The following STON2 variants were observed in gnomAD, a reference collection of about 807,000 sequenced individuals.
STON2 encodes the protein stonin-2.
STON2 carries 29 observed loss-of-function variants against 65.7 expected under a neutral mutation model. The observed-to-expected ratio is 0.44, with a 90% CI of 0.33 to 0.60. The LOEUF is 0.60. Among genes scored for constraint, STON2 ranks in the 20% least tolerant of loss-of-function variants. The pLI is 0.03. For synonymous variants in STON2, 404 were observed against 414.2 expected (o/e 0.98, Z 0.30); for missense variants, 1,054 against 1,118.1 (o/e 0.94, Z 0.82).
At chr14:81,324,415 T>G (rs1414925311) in intron 4 of STON2, among the ~76,000 whole-genome samples, 1 of 152,268 alleles carries the variant, frequency 6.6e-6, no homozygotes, top group Non-Finnish European at 1.5e-5. Flanking sequence ...CTTGGGTAAT[T>G]AGATTCTAAG....
chr14:81,424,027 G>A (rs1348778134), intron 2 of STON2, among the ~76,000 whole-genome samples: 2 of 152,170 alleles, frequency 1.3e-5, no homozygotes, highest in Non-Finnish European at 2.9e-5. Flanking sequence ...TGGAGAGCAG[G>A]TATGTTATGA....
intron 4 of STON2, among the ~76,000 whole-genome samples, chr14:81,355,894 AAGG>A (rs2140326844): frequency 6.6e-6 from 1 of 152,218 alleles, no homozygotes; most frequent in African/African-American, 2.4e-5. Flanking sequence ...TTATCAGCTT[AAGG>A]AGATTTTGGG....
Position 81,278,370 on chromosome 14 carries a change from G to C in STON2, c.1112C>G (p.Pro371Arg). ...TEASPWRATN[P>R]FLNETLQDVQ... ...ATCCTGCAGAGTCTCATTCAGGAAAGGGTTGGTTGCCCTCCAAGGTGAAGC... is the reference window on the plus strand; with the variant it reads ...ATCCTGCAGAGTCTCATTCAGGAAACGGTTGGTTGCCCTCCAAGGTGAAGC... Residue 371 changes from proline to arginine, a missense_variant, in exon 6 of 8, where the codon CCT (proline) becomes CGT (arginine). Transcript: ENST00000614646. 1 of 1,614,226 alleles carries C rather than the reference G, an allele frequency of 6.2e-7. No homozygotes were observed. Among genetic ancestry groups the C allele is most frequent in the South Asian group, 1.1e-5 (1 of 91,088 alleles).
In STON2 at chr14:81,362,781, A is replaced by T. The variant is rs28665853; in HGVS notation, c.571+8207T>A. ...TAATTTGTCTACTTATAATTTAAAA[A>T]TTTTAAATTTAAAAAAGGATTAATT... On this transcript the variant is annotated intron_variant, in intron 4 of 7. Transcript: ENST00000614646. Among the ~76,000 whole-genome samples the T allele has an allele frequency of 7.2e-5, 11 of 152,330 alleles. No individual in the cohort carries two copies. In the South Asian group the frequency reaches 1.9e-3, roughly 26 times the overall value.
At chr14:81,269,761 C>G in intron 7 of STON2, 1 of 985,314 alleles carries the variant, frequency 1.0e-6, no homozygotes, top group Non-Finnish European at 1.2e-6. Flanking sequence ...AACTCCTTTT[C>G]CAATCGTTGG....
chr14:81,269,843 C>T, intron 7 of STON2: 1 of 985,420 alleles, frequency 1.0e-6, no homozygotes. Context: ...AAAACTCCAA[C>T]TTTTATGATT....
intron 2 of STON2, among the ~76,000 whole-genome samples, chr14:81,414,623 G>C (rs1330498005): frequency 6.6e-6 from 1 of 151,306 alleles, no homozygotes; most frequent in South Asian, 2.1e-4. Context: ...TTGAATACTA[G>C]ATGTGAAAAA....
rs934176865 is a variant in STON2, at chr14:81,268,065, G to A, written c.*349C>T. The A allele has an allele frequency of 7.0e-6, 7 of 995,090 alleles. No individual in the cohort carries two copies. The highest frequency in any genetic ancestry group is 8.4e-6 in the Non-Finnish European group (7 of 836,022). The allele number at this position is 995,090 out of a possible 1,614,324, so 61.6% of individuals were successfully genotyped here. A position where few individuals can be genotyped will look rare whatever the true frequency, so the allele number is the denominator to read the frequency against. On this transcript the variant is annotated 3_prime_UTR_variant, in exon 8 of 8. Coordinates refer to ENST00000614646, the MANE Select transcript of STON2 (RefSeq NM_001394390.1). ...CAATCGTGCTAACACTGATGTGGGA[G>A]GTTCTTTTCCTGACTGTAACAGTCA... is the stretch of plus-strand genomic sequence containing the variant.
intron 3 of STON2, among the ~76,000 whole-genome samples, chr14:81,384,761 C>G (rs1899712082): frequency 6.6e-6 from 1 of 152,096 alleles, no homozygotes; most frequent in Non-Finnish European, 1.5e-5. Flanking sequence ...TCTTCTTGTC[C>G]TTCGGGATCC....
intron 4 of STON2, among the ~76,000 whole-genome samples, chr14:81,363,254 A>C (rs138156585): frequency 1.3e-5 from 2 of 152,340 alleles, no homozygotes; most frequent in East Asian, 3.9e-4. Flanking sequence ...ATATATGTAT[A>C]AAGTATATAG....
At chr14:81,324,654 G>C (rs1310696612) in intron 4 of STON2, among the ~76,000 whole-genome samples, 2 of 152,198 alleles carry the variant, frequency 1.3e-5, no homozygotes, top group Non-Finnish European at 2.9e-5. Context: ...AGAGAAACAG[G>C]ATTCTCAACA....
chr14:81,309,430 T>C (rs1174822095), intron 5 of STON2, among the ~76,000 whole-genome samples: 1 of 152,222 alleles, frequency 6.6e-6, no homozygotes, highest in Non-Finnish European at 1.5e-5. Context: ...CCAAATACTT[T>C]CTCTATGCCT....
chr14:81,338,073 T>C (rs1897445716), intron 4 of STON2, among the ~76,000 whole-genome samples: 1 of 152,240 alleles, frequency 6.6e-6, no homozygotes, highest in Admixed American at 6.5e-5. Context: ...TTCTAATACT[T>C]GGTTGTTGAC....
intron 5 of STON2, among the ~76,000 whole-genome samples, chr14:81,282,232 T>C (rs1895153574): frequency 1.3e-5 from 2 of 152,210 alleles, no homozygotes; most frequent in Non-Finnish European, 2.9e-5. Context: ...TAAAATGAAA[T>C]TCCATGTAGC....
intron 4 of STON2, among the ~76,000 whole-genome samples, chr14:81,348,170 A>G (rs1031287699): frequency 6.6e-6 from 1 of 152,122 alleles, no homozygotes; most frequent in African/African-American, 2.4e-5. Context: ...AAGAATGAAG[A>G]AAAGCAGAAA....
chr14:81,345,368 C>A lies in STON2; in HGVS notation c.572-21181G>T, dbSNP rs75041757. Among the ~76,000 whole-genome samples, 544 of 152,228 alleles carry A rather than the reference C, an allele frequency of 3.6e-3. 2 individuals carry two copies. The highest frequency in any genetic ancestry group is 6.0e-3 in the Non-Finnish European group (407 of 67,994). On this transcript the variant is annotated intron_variant, in intron 4 of 7. Coordinates refer to ENST00000614646, the MANE Select transcript of STON2 (RefSeq NM_001394390.1). ...AGAGGATGTTAGGATACAGGCACCA[C>A]AAAGGGGAGATCATGTGAAGATACA...
Position 81,395,995 on chromosome 14 carries a change from G to T in STON2, c.272C>A (p.Pro91His), listed in dbSNP as rs1900296555. 5 of 1,614,060 alleles carry T rather than the reference G, an allele frequency of 3.1e-6. No individual in the cohort carries two copies. The East Asian group carries it at 1.1e-4, about 36-fold the overall frequency. The part of the protein sequence containing the change: ...AASPPGSPEQ[P>H]PPDLASAISN... ...GATGGCCGAGGCCAGGTCAGGTGGGGGCTGCTCAGGGCTCCCAGGTGGGGA... is the reference window on the plus strand; with the variant it reads ...GATGGCCGAGGCCAGGTCAGGTGGGTGCTGCTCAGGGCTCCCAGGTGGGGA... The change falls in exon 3 of 8, where the codon CCC becomes CAC. Residue 91 changes from proline (P) to histidine (H), a missense_variant. Physicochemically the swap from Pro to His is moderately conservative, Grantham distance 77. Coordinates refer to ENST00000614646, the MANE Select transcript of STON2 (RefSeq NM_001394390.1).
chr14:81,418,990 G>A (rs988480479), intron 2 of STON2, among the ~76,000 whole-genome samples: 1 of 151,350 alleles, frequency 6.6e-6, no homozygotes, highest in African/African-American at 2.4e-5. Flanking sequence ...CTAGAAAAAA[G>A]TTTCAGACCA....
At chr14:81,298,783 A>G (rs17111691) in intron 5 of STON2, among the ~76,000 whole-genome samples, 13,258 of 152,302 alleles carry the variant, frequency 0.087, 651 homozygotes, top group South Asian at 0.15. Context: ...TGTTGCTCTC[A>G]GAGATTTAAG....
Sources: gnomAD v4.1 joint callset for allele counts (sites outside exome capture counted in the v4.1 genomes callset) on GRCh38, gnomAD v4.1.1 for gene constraint, MANE v1.5 for transcripts, NCBI Gene and HGNC (gene_info 2026-07-23, HGNC 2026-07-21) for gene names.